Variants in SPIDR observed in about 807,000 individuals in gnomAD.
SPIDR encodes the protein DNA repair-scaffolding protein.
A neutral mutation model predicts 104.6 loss-of-function variants in SPIDR; 93 were observed. The ratio of observed to expected loss-of-function variants is 0.89; its 90% confidence interval spans 0.75 to 1.06. The LOEUF (loss-of-function observed/expected upper bound fraction) is 1.06. Among genes scored for constraint, SPIDR ranks in the 50% least tolerant of loss-of-function variants. SPIDR has a pLI of 0.00. For missense variants in SPIDR, 1,154 were observed against 1,111.2 expected, an observed-to-expected ratio of 1.04 and a Z score of -0.55; for synonymous variants, 431 against 416.9, an observed-to-expected ratio of 1.03 and a Z score of -0.41.
chr8:47,478,226 A>G (rs926721551), intron 8 of SPIDR, among the ~76,000 whole-genome samples: 10 of 152,192 alleles, frequency 6.6e-5, no homozygotes, highest in Admixed American at 2.0e-4. Context: ...CCTGACGACA[A>G]ACACACCTCT....
intron 10 of SPIDR, among the ~76,000 whole-genome samples, chr8:47,667,618 G>T (rs2075154776): frequency 6.6e-6 from 1 of 151,994 alleles, no homozygotes; most frequent in African/African-American, 2.4e-5. Context: ...TGGAAAAAAA[G>T]ATTATAAATG....
At chr8:47,562,849 T>C (rs2057250331) in intron 8 of SPIDR, among the ~76,000 whole-genome samples, 1 of 152,172 alleles carries the variant, frequency 6.6e-6, no homozygotes, top group South Asian at 2.1e-4. Flanking sequence ...CCCCTCCAGC[T>C]TCTCTTACTC....
intron 8 of SPIDR, among the ~76,000 whole-genome samples, chr8:47,471,439 T>G (rs2075693710): frequency 6.6e-6 from 1 of 151,804 alleles, no homozygotes; most frequent in East Asian, 1.9e-4. Flanking sequence ...CTCCACATCA[T>G]TAGTCTTTAG....
intron 5 of SPIDR, among the ~76,000 whole-genome samples, chr8:47,295,834 T>A (rs2040744434): frequency 2.0e-5 from 3 of 152,186 alleles, no homozygotes; most frequent in African/African-American, 7.2e-5. Context: ...TATATGGTAG[T>A]TCTATTTTTA....
chr8:47,338,798 A>T (rs1554611587), intron 5 of SPIDR, among the ~76,000 whole-genome samples: 1 of 152,188 alleles, frequency 6.6e-6, no homozygotes, highest in Non-Finnish European at 1.5e-5. Flanking sequence ...ACAAAAAATT[A>T]TTTGCCCAGG....
chr8:47,303,154 C>T lies in SPIDR; in HGVS notation c.525+9124C>T, dbSNP rs900934775. On this transcript the variant is annotated intron_variant, in intron 5 of 19. Transcript: ENST00000297423. The stretch of plus-strand genomic sequence containing the variant: ...CAAGCCTTGGCAATGGTGGCTGCCC[C>T]TCCCGCAGCCTGGCTGCTGCCTTGC... 2.8e-3 allele frequency among the ~76,000 whole-genome samples: 422 copies of T among 152,316 alleles called. 1 individual carries two copies. The highest frequency in any genetic ancestry group is 9.9e-3 in the African/African-American group (412 of 41,568).
At chr8:47,548,801 G>C (rs2089947669) in intron 8 of SPIDR, among the ~76,000 whole-genome samples, 1 of 152,132 alleles carries the variant, frequency 6.6e-6, no homozygotes, top group Non-Finnish European at 1.5e-5. Flanking sequence ...TTAAGTTCTA[G>C]GGTACATGTG....
At chr8:47,705,542 T>C (rs933519606) in intron 14 of SPIDR, among the ~76,000 whole-genome samples, 1 of 152,196 alleles carries the variant, frequency 6.6e-6, no homozygotes, top group Non-Finnish European at 1.5e-5. Flanking sequence ...GCCAGTGGCC[T>C]GCATCCTTGG....
intron 8 of SPIDR, among the ~76,000 whole-genome samples, chr8:47,531,072 C>A (rs1159992176): frequency 6.6e-6 from 1 of 152,118 alleles, no homozygotes; most frequent in African/African-American, 2.4e-5. Flanking sequence ...CCATGCCCAG[C>A]TATTTTTTAA....
intron 10 of SPIDR, among the ~76,000 whole-genome samples, chr8:47,603,085 C>CA (rs767324267): frequency 6.6e-6 from 1 of 152,014 alleles, no homozygotes; most frequent in Admixed American, 6.6e-5. Flanking sequence ...AGCCCAAACA[C>CA]ACCTTTTTTA....
chr8:47,460,923 G>T (rs1289895411), intron 8 of SPIDR, among the ~76,000 whole-genome samples: 1 of 152,148 alleles, frequency 6.6e-6, no homozygotes, highest in African/African-American at 2.4e-5. Flanking sequence ...ATGAAGCTTA[G>T]TTTCACTTGA....
rs34648437 is a variant in SPIDR at position 47,658,029 on chromosome 8, CAAA to C, written c.1545-15754_1545-15752del. Among the ~76,000 whole-genome samples the C allele has an allele frequency of 4.0e-3, 301 of 76,052 alleles. 1 individual carries two copies. The highest frequency in any genetic ancestry group is 0.014 in the African/African-American group (288 of 19,936). The allele number at this position is 76,052 out of a possible 152,430, so 49.9% of individuals were successfully genotyped here. A position where few individuals can be genotyped will look rare whatever the true frequency, so the allele number is the denominator to read the frequency against. ...TGGGCAACAGATTGAGACCCTGTCT[CAAA>C]AAAAAAAAAAAAAAAAAGAAAAAGA... On this transcript the variant is annotated intron_variant, in intron 10 of 19. Coordinates refer to ENST00000297423, the MANE Select transcript of SPIDR (RefSeq NM_001080394.4).
At chr8:47,480,655 A>G (rs2076804412) in intron 8 of SPIDR, among the ~76,000 whole-genome samples, 2 of 152,230 alleles carry the variant, frequency 1.3e-5, no homozygotes, top group South Asian at 4.1e-4. Context: ...GGATCGGCGC[A>G]CAGCCTGTGT....
chr8:47,396,070 G>A (rs1299321288), intron 5 of SPIDR, among the ~76,000 whole-genome samples: 1 of 152,202 alleles, frequency 6.6e-6, no homozygotes, highest in Non-Finnish European at 1.5e-5. Flanking sequence ...GTTCAGTTTT[G>A]GAGATTGCCT....
At chr8:47,726,045 C>T (rs548831250) in intron 16 of SPIDR, among the ~76,000 whole-genome samples, 48 of 152,310 alleles carry the variant, frequency 3.2e-4, no homozygotes, top group Middle Eastern at 3.4e-3. Context: ...GGGGATGCCC[C>T]GGCTCCTTTC....
chr8:47,301,237 A>T (rs1159244654), intron 5 of SPIDR, among the ~76,000 whole-genome samples: 4 of 152,092 alleles, frequency 2.6e-5, no homozygotes, highest in Non-Finnish European at 5.9e-5. Flanking sequence ...TGTTGGCTTA[A>T]AGTCTGTTTT....
intron 11 of SPIDR, among the ~76,000 whole-genome samples, chr8:47,674,454 ATC>A: frequency 6.6e-6 from 1 of 152,144 alleles, no homozygotes; most frequent in Non-Finnish European, 1.5e-5. Context: ...GATCTGGCCT[ATC>A]TGTGCCTGTT....
At chr8:47,275,122 G>T (rs1428441707) in intron 1 of SPIDR, among the ~76,000 whole-genome samples, 1 of 151,586 alleles carries the variant, frequency 6.6e-6, no homozygotes, top group Admixed American at 6.6e-5. Context: ...AGCCGCGCGT[G>T]GTGGGGGGCG....
intron 5 of SPIDR, among the ~76,000 whole-genome samples, chr8:47,341,485 C>G (rs1466224037): frequency 2.0e-5 from 3 of 152,022 alleles, no homozygotes; most frequent in African/African-American, 7.2e-5. Context: ...AAAAAGTATT[C>G]CACACATTTA....
Sources: gnomAD v4.1 joint callset for allele counts (sites outside exome capture counted in the v4.1 genomes callset) on GRCh38, gnomAD v4.1.1 for gene constraint, MANE v1.5 for transcripts, NCBI Gene and HGNC (gene_info 2026-07-23, HGNC 2026-07-21) for gene names.